Variants in ACTN1 observed in about 807,000 individuals in gnomAD.
ACTN1 encodes the protein actinin alpha 1.
In ACTN1, 30 loss-of-function variants were observed where a neutral mutation model predicts 119.6. The observed-to-expected ratio is 0.25, with a 90% CI of 0.19 to 0.34. The LOEUF (loss-of-function observed/expected upper bound fraction) is 0.34. Ranked by LOEUF, ACTN1 falls within the 10% of genes least tolerant of loss-of-function variation. The probability of loss-of-function intolerance (pLI) is 1.00; values close to 1 mark genes in which losing one functional copy is unlikely to be tolerated. For synonymous variants in ACTN1, 429 were observed against 472.6 expected, an observed-to-expected ratio of 0.91 and a Z score of 1.20; for missense variants, 764 against 1,223.4, an observed-to-expected ratio of 0.62 and a Z score of 5.60.
Position 68,882,391 on chromosome 14 carries a change from G to T in ACTN1, c.1953+67C>A. The T allele has an allele frequency of 6.3e-7, 1 of 1,577,228 alleles. No homozygotes were observed. Among genetic ancestry groups the T allele is most frequent in the Non-Finnish European group, 8.6e-7 (1 of 1,158,076 alleles). On this transcript the variant is annotated intron_variant, in intron 16 of 21. Coordinates refer to ENST00000394419, the MANE Select transcript of ACTN1 (RefSeq NM_001130004.2). The surrounding 1 kb of genome is among the most constrained non-coding windows in gnomAD (Gnocchi z 4.5). ...CCCACCCAGGGAGACAGGCAGCCTG[G>T]CTGGCTAGGATAGTGTCGGGGGGGA...
intron 8 of ACTN1, chr14:68,900,744 G>A (rs916608060): frequency 6.6e-6 from 1 of 152,220 alleles, no homozygotes; most frequent in Non-Finnish European, 1.5e-5. Context: ...TCCCCTGCAG[G>A]AGAAGGAGGG....
chr14:68,976,311 C>T (rs2037057631), intron 1 of ACTN1, among the ~76,000 whole-genome samples: 1 of 152,178 alleles, frequency 6.6e-6, no homozygotes, highest in Non-Finnish European at 1.5e-5. Context: ...GAACCATCAG[C>T]CTCTGTCCAC....
intron 10 of ACTN1, among the ~76,000 whole-genome samples, chr14:68,891,198 T>TCG (rs1555346029): frequency 3.3e-5 from 5 of 151,882 alleles, no homozygotes; most frequent in Non-Finnish European, 5.9e-5. Context: ...CTCCTGTTAC[T>TCG]TTTCACTTAA....
chr14:68,916,922 A>G (rs1462102705), intron 3 of ACTN1, among the ~76,000 whole-genome samples: 1 of 152,118 alleles, frequency 6.6e-6, no homozygotes, highest in Admixed American at 6.5e-5. Flanking sequence ...CATGTGACAG[A>G]AACTAGAACC....
intron 4 of ACTN1, among the ~76,000 whole-genome samples, chr14:68,910,762 G>A (rs1236942959): frequency 3.3e-5 from 5 of 152,134 alleles, no homozygotes; most frequent in East Asian, 1.9e-4. Flanking sequence ...TGATTGAGTC[G>A]TGGGCGTGGT....
intron 1 of ACTN1, among the ~76,000 whole-genome samples, chr14:68,966,571 CAAAGA>C (rs1375419165): frequency 6.6e-6 from 1 of 152,044 alleles, no homozygotes; most frequent in East Asian, 1.9e-4. Flanking sequence ...CCTAATAAAT[CAAAGA>C]AGACAGTCTT....
At position 68,878,915 on chromosome 14, in the gene ACTN1, G is replaced by A. The variant is rs537412687; in HGVS notation, c.2361+74C>T. The A allele has an allele frequency of 1.6e-5, 25 of 1,607,450 alleles. No homozygotes were observed. Among genetic ancestry groups the A allele is most frequent in the Non-Finnish European group, 2.0e-5 (24 of 1,179,044 alleles). ...GGACAGGAGATCCAGACAGAGAGAA[G>A]AGAAAAAGGAAAAACGCATTATTTC... On this transcript the variant is annotated intron_variant, in intron 19 of 21. Transcript: ENST00000394419. This position sits in a 1 kb window ranked among gnomAD's most constrained non-coding sequence, Gnocchi z 4.4.
chr14:68,954,407 A>C (rs1006841344), intron 1 of ACTN1, among the ~76,000 whole-genome samples: 3 of 152,136 alleles, frequency 2.0e-5, no homozygotes, highest in Non-Finnish European at 2.9e-5. Flanking sequence ...GGCTCACTGC[A>C]ACCTCCGCCT....
chr14:68,958,910 A>T (rs2036438798), intron 1 of ACTN1, among the ~76,000 whole-genome samples: 1 of 152,200 alleles, frequency 6.6e-6, no homozygotes, highest in African/African-American at 2.4e-5. Flanking sequence ...TGGCCTCGAC[A>T]GCCATCCTTC....
chr14:68,882,705 G>A lies in ACTN1; in HGVS notation c.1819-113C>T, dbSNP rs2031664307. The stretch of plus-strand genomic sequence containing the variant: ...AGGGCCGGTCAGTAACAGAACAGGA[G>A]TAAAGGTGTCAACCTGTTCTGGAAA... On this transcript the variant is annotated intron_variant, in intron 15 of 21. Coordinates refer to ENST00000394419, the MANE Select transcript of ACTN1 (RefSeq NM_001130004.2). This position sits in a 1 kb window ranked among gnomAD's most constrained non-coding sequence, Gnocchi z 4.5. 6.5e-7 allele frequency: 1 copy of A among 1,534,282 alleles called. No homozygotes were observed. Among genetic ancestry groups the A allele is most frequent in the Admixed American group, 1.8e-5 (1 of 56,584 alleles).
chr14:68,922,019 T>G (rs752375182), intron 2 of ACTN1, among the ~76,000 whole-genome samples: 1 of 152,096 alleles, frequency 6.6e-6, no homozygotes, highest in Non-Finnish European at 1.5e-5. Flanking sequence ...CCTCCTGAAA[T>G]GATCTGAGAA....
intron 1 of ACTN1, among the ~76,000 whole-genome samples, chr14:68,942,100 C>A (rs547783384): frequency 6.6e-5 from 10 of 152,306 alleles, no homozygotes; most frequent in African/African-American, 2.4e-4. Context: ...GCATCACAAG[C>A]CACCACAAGT....
At chr14:68,877,513 C>T (rs1175065337) in intron 20 of ACTN1, 4 of 450,372 alleles carry the variant, frequency 8.9e-6, no homozygotes, top group Non-Finnish European at 1.6e-5. Context: ...CAATGATTAA[C>T]AATGGCTGAC....
At chr14:68,939,388 T>G (rs2035687467) in intron 1 of ACTN1, among the ~76,000 whole-genome samples, 1 of 152,140 alleles carries the variant, frequency 6.6e-6, no homozygotes, top group African/African-American at 2.4e-5. Flanking sequence ...TCCCGGAGCC[T>G]TGGTTCTCAC....
intron 3 of ACTN1, among the ~76,000 whole-genome samples, chr14:68,915,235 G>A (rs1250978197): frequency 6.6e-6 from 1 of 151,656 alleles, no homozygotes; most frequent in Non-Finnish European, 1.5e-5. Context: ...TGGGCCTCTT[G>A]TTCCCCCTCC....
chr14:68,906,383 C>T (rs1280073557), intron 6 of ACTN1, among the ~76,000 whole-genome samples: 1 of 152,182 alleles, frequency 6.6e-6, no homozygotes, highest in Non-Finnish European at 1.5e-5. Context: ...CGGCCCAGGA[C>T]TCAGTTTCCC....
intron 1 of ACTN1, among the ~76,000 whole-genome samples, chr14:68,938,002 T>C (rs1484385080): frequency 2.0e-5 from 3 of 152,236 alleles, no homozygotes; most frequent in Non-Finnish European, 2.9e-5. Flanking sequence ...CATACAAGTA[T>C]GGCCAGTCTG....
rs2031607323 is a variant in ACTN1 at position 68,882,286 on chromosome 14, G to A, written c.1953+172C>T. ...CTCCCAAATCAGATACTGCCAGCAG[G>A]GCTTCTTCACATAGGCCCCCATAGC... On this transcript the variant is annotated intron_variant, in intron 16 of 21. Coordinates refer to ENST00000394419, the MANE Select transcript of ACTN1 (RefSeq NM_001130004.2). The surrounding 1 kb of genome is among the most constrained non-coding windows in gnomAD (Gnocchi z 4.5). Among the ~76,000 whole-genome samples the A allele has an allele frequency of 6.6e-6, 1 of 152,086 alleles. No homozygotes were observed. Among genetic ancestry groups the A allele is most frequent in the Admixed American group, 6.5e-5 (1 of 15,282 alleles).
chr14:68,921,594 G>C (rs949293103), intron 2 of ACTN1, among the ~76,000 whole-genome samples: 1 of 152,178 alleles, frequency 6.6e-6, no homozygotes, highest in African/African-American at 2.4e-5. Flanking sequence ...GAACTGAGGA[G>C]TGGTCAGGAA....
Sources: gnomAD v4.1 joint callset for allele counts (sites outside exome capture counted in the v4.1 genomes callset) on GRCh38, gnomAD v4.1.1 for gene constraint, Gnocchi (gnomAD v3.1) non-coding constraint, MANE v1.5 for transcripts, NCBI Gene and HGNC (gene_info 2026-07-23, HGNC 2026-07-21) for gene names.